The following PCDHGA9 variants were observed in gnomAD, a reference collection of about 807,000 sequenced individuals.
PCDHGA9 encodes protocadherin gamma-A9.
Under a neutral mutation model 62.5 loss-of-function variants are expected in PCDHGA9, and 37 were observed. That is an observed-to-expected ratio of 0.59 (90% confidence interval 0.46 to 0.78). PCDHGA9 has a LOEUF of 0.78. PCDHGA9 is among the 30% of genes least tolerant of loss of function. PCDHGA9 has a pLI of 0.00. For synonymous variants in PCDHGA9, 459 were observed against 484.6 expected, an observed-to-expected ratio of 0.95 and a Z score of 0.69; for missense variants, 1,138 against 1,166.2, an observed-to-expected ratio of 0.98 and a Z score of 0.35.
Position 141,404,555 on chromosome 5 carries a change from A to G in PCDHGA9, c.1603A>G (p.Ser535Gly), listed in dbSNP as rs751841732. 6.2e-7 allele frequency: 1 copy of G among 1,613,802 alleles called. No homozygotes were observed. The highest frequency in any genetic ancestry group is 1.3e-5 in the African/African-American group (1 of 74,932). Residue 535 changes from serine to glycine, a missense_variant, in exon 1 of 4, where the codon AGT becomes GGT. By Grantham distance (56) the Ser-to-Gly change is moderately conservative. Transcript: ENST00000573521. The part of the protein sequence containing the change: ...FRDLQMQVTA[S>G]DSGSPPLSSN... ...AGATTTGCAAATGCAGGTGACGGCA[A>G]GTGACAGTGGAAGCCCACCACTTAG...
At chr5:141,438,159 T>TA (rs974013542) in intron 1 of PCDHGA9, among the ~76,000 whole-genome samples, 44 of 152,258 alleles carry the variant, frequency 2.9e-4, no homozygotes, top group African/African-American at 9.9e-4. Context: ...ATGGCAAAGC[T>TA]AATTGGAAAA....
At chr5:141,500,840 C>T (rs1394248251) in intron 2 of PCDHGA9, among the ~76,000 whole-genome samples, 1 of 151,966 alleles carries the variant, frequency 6.6e-6, no homozygotes, top group Non-Finnish European at 1.5e-5. Flanking sequence ...TGCTAATGGG[C>T]TTTTGCTACA....
At chr5:141,469,836 T>C (rs2099212875) in intron 1 of PCDHGA9, among the ~76,000 whole-genome samples, 1 of 152,064 alleles carries the variant, frequency 6.6e-6, no homozygotes, top group South Asian at 2.1e-4. Flanking sequence ...ATAAAACTTA[T>C]TCTTAAGATT....
chr5:141,494,909 T>G (rs764123148), intron 2 of PCDHGA9, 44 bp downstream of exon 2: 1 of 1,614,042 alleles, frequency 6.2e-7, no homozygotes, highest in Admixed American at 1.7e-5. Flanking sequence ...CTGCGGCATT[T>G]TCTCAGGGAT....
intron 1 of PCDHGA9, chr5:141,430,923 A>C (rs2097325574): frequency 6.2e-7 from 1 of 1,607,168 alleles, no homozygotes; most frequent in African/African-American, 1.3e-5. Context: ...CTGGGGCTGG[A>C]GCCCCGGGAG....
At chr5:141,498,670 G>A (rs1266576450) in intron 2 of PCDHGA9, among the ~76,000 whole-genome samples, 1 of 152,066 alleles carries the variant, frequency 6.6e-6, no homozygotes, top group Non-Finnish European at 1.5e-5. Flanking sequence ...GGTGGCTCAC[G>A]CCTGTAATCC....
intron 1 of PCDHGA9, chr5:141,408,041 C>T: frequency 1.7e-6 from 2 of 1,193,652 alleles, no homozygotes; most frequent in Non-Finnish European, 2.3e-6. Context: ...AAACCAGCTC[C>T]CACACAGAGC....
chr5:141,405,744 C>T (rs2094711384), intron 1 of PCDHGA9, among the ~76,000 whole-genome samples: 1 of 152,192 alleles, frequency 6.6e-6, no homozygotes, highest in African/African-American at 2.4e-5. Flanking sequence ...TCCCAAAGCA[C>T]TGGGATTACA....
In PCDHGA9 at chr5:141,408,415, G is replaced by A. The variant is rs554066897; in HGVS notation, c.2424+3039G>A. The A allele has an allele frequency of 1.8e-5, 29 of 1,614,074 alleles. 1 individual carries two copies. In the South Asian group the frequency reaches 2.9e-4, roughly 16 times the overall value. On this transcript the variant is annotated intron_variant, in intron 1 of 3. Coordinates refer to ENST00000573521, the MANE Select transcript of PCDHGA9 (RefSeq NM_018921.3). Reference sequence around the variant, plus strand: ...CTCGCAAGCTGCGAGTGAGCGCGGAGAAGCTGCACTTCAGCGTAGACGCGG... The same window carrying A: ...CTCGCAAGCTGCGAGTGAGCGCGGAAAAGCTGCACTTCAGCGTAGACGCGG...
chr5:141,476,421 C>G lies in PCDHGA9; in HGVS notation c.2425-18386C>G. 1 of 1,614,026 alleles carries G rather than the reference C, an allele frequency of 6.2e-7. No homozygotes were observed. Among genetic ancestry groups the G allele is most frequent in the South Asian group, 1.1e-5 (1 of 91,066 alleles). On this transcript the variant is annotated intron_variant, in intron 1 of 3. Transcript: ENST00000573521. The surrounding 1 kb of genome is among the most constrained non-coding windows in gnomAD (Gnocchi z 7.6). ...CGAGAGGAGCTGTGTGGGACACTGC[C>G]CTCTTGCACTGTAACTCTGGAGTTG...
At chr5:141,420,029 G>T (rs1382842280) in intron 1 of PCDHGA9, 2 of 1,614,082 alleles carry the variant, frequency 1.2e-6, no homozygotes, top group Non-Finnish European at 1.7e-6. Flanking sequence ...CCCTACTGCA[G>T]GAGACTGCTT....
At chr5:141,436,910 TGTGA>T (rs1332506247) in intron 1 of PCDHGA9, among the ~76,000 whole-genome samples, 1 of 152,228 alleles carries the variant, frequency 6.6e-6, no homozygotes, top group Non-Finnish European at 1.5e-5. Flanking sequence ...GAGACAATTT[TGTGA>T]GTGTTACTTT....
intron 1 of PCDHGA9, chr5:141,478,623 G>GT (rs1337268572): frequency 1.3e-5 from 20 of 1,554,356 alleles, no homozygotes; most frequent in Admixed American, 3.9e-5. Flanking sequence ...GAATGGAGCT[G>GT]TTTTTTTAGT....
At chr5:141,422,929 C>A (rs752323344) in intron 1 of PCDHGA9, 8 of 1,614,260 alleles carry the variant, frequency 5.0e-6, no homozygotes, top group Middle Eastern at 3.3e-4. Flanking sequence ...GTACCCTGCC[C>A]TCCCCACAGA....
At chr5:141,488,620 C>A (rs1271344928) in intron 1 of PCDHGA9, among the ~76,000 whole-genome samples, 1 of 152,164 alleles carries the variant, frequency 6.6e-6, no homozygotes, top group East Asian at 1.9e-4. Context: ...CTAATCTTTT[C>A]TCTCACCTTA....
chr5:141,478,847 AAC>A (rs2099480409), intron 1 of PCDHGA9: 1 of 1,389,782 alleles, frequency 7.2e-7, no homozygotes, highest in South Asian at 1.5e-5. Context: ...GTTAAGCTAA[AAC>A]ACAAGATCTC....
chr5:141,407,808 C>A (rs1182707356), intron 1 of PCDHGA9, among the ~76,000 whole-genome samples: 1 of 152,136 alleles, frequency 6.6e-6, no homozygotes, highest in Non-Finnish European at 1.5e-5. Flanking sequence ...ATAGAAATAT[C>A]TACTATAATA....
chr5:141,465,574 C>T (rs1477852984), intron 1 of PCDHGA9, among the ~76,000 whole-genome samples: 2 of 152,160 alleles, frequency 1.3e-5, no homozygotes, highest in Admixed American at 1.3e-4. Context: ...TTTCTCAAAA[C>T]ACTCTCATAA....
rs768907590 is a variant in PCDHGA9, at chr5:141,422,045, G to C, written c.2424+16669G>C. Reference sequence around the variant, plus strand: ...GTTAATGCAACGGATCCAGACGAGGGAATCAACGGGGAAGTAATGTATTCA... The same window carrying C: ...GTTAATGCAACGGATCCAGACGAGGCAATCAACGGGGAAGTAATGTATTCA... On this transcript the variant is annotated intron_variant, in intron 1 of 3. Transcript: ENST00000573521. 1.5e-5 allele frequency: 24 copies of C among 1,611,434 alleles called. No individual in the cohort carries two copies. The Admixed American group carries it at 3.9e-4, about 26-fold the overall frequency.
Sources: gnomAD v4.1 joint callset for allele counts (sites outside exome capture counted in the v4.1 genomes callset) on GRCh38, gnomAD v4.1.1 for gene constraint, Gnocchi (gnomAD v3.1) non-coding constraint, MANE v1.5 for transcripts, NCBI Gene and HGNC (gene_info 2026-07-23, HGNC 2026-07-21) for gene names.